The following CATSPERE variants were observed in gnomAD, a reference collection of about 807,000 sequenced individuals.
CATSPERE encodes the protein cation channel sperm-associated auxiliary subunit epsilon.
A neutral mutation model predicts 114.1 loss-of-function variants in CATSPERE; 93 were observed. The ratio of observed to expected loss-of-function variants is 0.81; its 90% CI spans 0.69 to 0.97. The LOEUF (loss-of-function observed/expected upper bound fraction) is 0.97. Ranked by LOEUF, CATSPERE falls within the 50% of genes least tolerant of loss-of-function variation. The probability of loss-of-function intolerance (pLI) is 0.00; values close to 1 mark genes in which losing one functional copy is unlikely to be tolerated. For synonymous variants in CATSPERE, 341 were observed against 384.1 expected (o/e 0.89, Z 1.31); for missense variants, 1,058 against 1,131.6 (o/e 0.93, Z 0.93).
At chr1:244,563,681 C>A (rs1163096751) in intron 10 of CATSPERE, among the ~76,000 whole-genome samples, 3 of 152,140 alleles carry the variant, frequency 2.0e-5, no homozygotes, top group Non-Finnish European at 4.4e-5. Context: ...GGATAGACTG[C>A]AAAAATTTTC....
At chr1:244,528,118 C>G (rs935360961) in intron 8 of CATSPERE, among the ~76,000 whole-genome samples, 4 of 152,218 alleles carry the variant, frequency 2.6e-5, no homozygotes, top group African/African-American at 4.8e-5. Flanking sequence ...CCCATTCCCC[C>G]CAACCAGCAG....
At chr1:244,451,539 G>A (rs1665603027), upstream of CATSPERE, 15 of 1,357,176 alleles carry the variant, frequency 1.1e-5, no homozygotes, top group Non-Finnish European at 1.5e-5. The surrounding 1 kb of genome is among the most constrained non-coding windows in gnomAD (Gnocchi z 6.6). Flanking sequence ...ATTTTGGCCA[G>A]TGGATCCGGG....
In CATSPERE at chr1:244,527,049, CA is replaced by C. The variant is rs201105567; in HGVS notation, c.536+8352del. 5.3e-3 allele frequency among the ~76,000 whole-genome samples: 811 copies of C among 152,010 alleles called. 10 individuals are homozygous for C. The highest frequency in any genetic ancestry group is 0.019 in the African/African-American group (781 of 41,364). ...TGGAGGCAGAGTGAGATCACAGGAC[CA>C]CAGGACCGGGGCAAAATTAAAAATA... On this transcript the variant is annotated intron_variant, in intron 8 of 21. Transcript: ENST00000366534.
chr1:244,612,082 G>A (rs908310463), intron 19 of CATSPERE, among the ~76,000 whole-genome samples: 1 of 152,082 alleles, frequency 6.6e-6, no homozygotes, highest in African/African-American at 2.4e-5. Flanking sequence ...AAAGACTCTG[G>A]AGTGCCCACG....
chr1:244,571,455 T>C (rs1309361033), intron 10 of CATSPERE, among the ~76,000 whole-genome samples: 1 of 152,142 alleles, frequency 6.6e-6, no homozygotes, highest in Admixed American at 6.5e-5. Context: ...TTTACAGACA[T>C]AGCAACAGAA....
intron 1 of CATSPERE, among the ~76,000 whole-genome samples, chr1:244,462,068 G>A (rs577811984): frequency 2.0e-5 from 3 of 152,202 alleles, no homozygotes; most frequent in African/African-American, 4.8e-5. Context: ...CCTCCTGCCG[G>A]GGCCTCCCAA....
intron 4 of CATSPERE, among the ~76,000 whole-genome samples, chr1:244,479,281 TG>T (rs1336911907): frequency 6.6e-6 from 1 of 151,974 alleles, no homozygotes; most frequent in Non-Finnish European, 1.5e-5. Context: ...TGAGCAGAGA[TG>T]GGGTTTCACC....
intron 6 of CATSPERE, among the ~76,000 whole-genome samples, chr1:244,495,448 G>A (rs902791966): frequency 4.2e-4 from 64 of 152,192 alleles, no homozygotes; most frequent in African/African-American, 1.4e-3. Context: ...GGCCAGGAGC[G>A]GTGGCTCACG....
rs1179270392 is a variant in CATSPERE, at chr1:244,640,092, AGTTT to A, written c.*16_*19del. The A allele has an allele frequency of 2.6e-6, 4 of 1,540,266 alleles. No homozygotes were observed. Among genetic ancestry groups the A allele is most frequent in the Non-Finnish European group, 1.8e-6 (2 of 1,138,000 alleles). ...CGTAAGAAGAATTAGGAAAACTGAA[AGTTT>A]GTTTATTACAGATATATGCATATAG... On this transcript the variant is annotated 3_prime_UTR_variant, in exon 22 of 22. Coordinates refer to ENST00000366534, the MANE Select transcript of CATSPERE (RefSeq NM_001130957.2).
At position 244,568,947 on chromosome 1, in the gene CATSPERE, G is replaced by C. The variant is rs1437654100; in HGVS notation, c.1508-3383G>C. On this transcript the variant is annotated intron_variant, in intron 10 of 21. Coordinates refer to ENST00000366534, the MANE Select transcript of CATSPERE (RefSeq NM_001130957.2). The surrounding 1 kb of genome is among the most constrained non-coding windows in gnomAD (Gnocchi z 4.4). ...AACTCCTGCAGCTAGCCTGGTGTCT[G>C]CCCAAACGGCTGCCTAGTTTTGTGC... is the stretch of plus-strand genomic sequence containing the variant. Among the ~76,000 whole-genome samples, 5 of 152,194 alleles carry C rather than the reference G, an allele frequency of 3.3e-5. No individual in the cohort carries two copies. The highest frequency in any genetic ancestry group is 1.2e-4 in the African/African-American group (5 of 41,444).
intron 10 of CATSPERE, among the ~76,000 whole-genome samples, chr1:244,562,841 T>A (rs901247210): frequency 2.3e-4 from 35 of 152,274 alleles, no homozygotes; most frequent in African/African-American, 8.4e-4. Flanking sequence ...CCCAGCAACC[T>A]GTCATCTACA....
intron 13 of CATSPERE, among the ~76,000 whole-genome samples, chr1:244,584,518 T>C (rs1666733600): frequency 6.6e-6 from 1 of 151,164 alleles, no homozygotes; most frequent in African/African-American, 2.4e-5. Flanking sequence ...TTCAGGTAAC[T>C]GAACAGTATT....
chr1:244,622,124 G>A (rs1298001361), intron 20 of CATSPERE, among the ~76,000 whole-genome samples: 1 of 152,128 alleles, frequency 6.6e-6, no homozygotes, highest in East Asian at 1.9e-4. Flanking sequence ...TCTGTACCCT[G>A]TGGCCTTTAT....
At chr1:244,560,428 G>A (rs897884463) in intron 9 of CATSPERE, among the ~76,000 whole-genome samples, 2 of 151,740 alleles carry the variant, frequency 1.3e-5, no homozygotes, top group African/African-American at 4.8e-5. Flanking sequence ...GGATGGGAGT[G>A]GGGTGAGGGA....
intron 11 of CATSPERE, among the ~76,000 whole-genome samples, chr1:244,579,648 C>A (rs1048962328): frequency 2.6e-5 from 4 of 152,146 alleles, no homozygotes; most frequent in African/African-American, 9.7e-5. Flanking sequence ...GACCTTCAAA[C>A]TACTAGTTAT....
At chr1:244,589,432 C>T (rs1177222289) in intron 14 of CATSPERE, among the ~76,000 whole-genome samples, 1 of 152,094 alleles carries the variant, frequency 6.6e-6, no homozygotes, top group Non-Finnish European at 1.5e-5. Flanking sequence ...TCTTTGCACC[C>T]GTAATTCCTT....
chr1:244,625,406 T>TTATATA (rs35736130), intron 20 of CATSPERE, among the ~76,000 whole-genome samples: 3 of 12,882 alleles, frequency 2.3e-4, no homozygotes, highest in African/African-American at 3.0e-4. Context: ...TTATTATTAT[T>TTATATA]TATATATATA....
chr1:244,611,250 T>C (rs967658411), intron 19 of CATSPERE, among the ~76,000 whole-genome samples: 3 of 152,136 alleles, frequency 2.0e-5, no homozygotes, highest in Admixed American at 1.3e-4. Flanking sequence ...AATTAATTAA[T>C]TATAGATCAT....
At chr1:244,452,633 A>G (rs1228474343), upstream of CATSPERE, among the ~76,000 whole-genome samples, 1 of 152,240 alleles carries the variant, frequency 6.6e-6, no homozygotes, top group Non-Finnish European at 1.5e-5. Context: ...TATAGTACAT[A>G]TATGCAGATA....
Sources: gnomAD v4.1 joint callset for allele counts (sites outside exome capture counted in the v4.1 genomes callset) on GRCh38, gnomAD v4.1.1 for gene constraint, Gnocchi (gnomAD v3.1) non-coding constraint, MANE v1.5 for transcripts, NCBI Gene and HGNC (gene_info 2026-07-23, HGNC 2026-07-21) for gene names.